KCNH8: variants seen among roughly 807,000 people sequenced by gnomAD.
KCNH8 encodes the protein voltage-gated delayed rectifier potassium channel KCNH8.
A neutral mutation model predicts 103.6 loss-of-function variants in KCNH8; 70 were observed. The observed-to-expected ratio is 0.68, with a 90% CI of 0.56 to 0.82. The LOEUF is 0.82. KCNH8 is among the 40% of genes least tolerant of loss of function. The probability of loss-of-function intolerance (pLI) is 0.00; values close to 1 mark genes in which losing one functional copy is unlikely to be tolerated. For synonymous variants in KCNH8, 498 were observed against 489.4 expected (o/e 1.02, Z -0.23); for missense variants, 1,217 against 1,329.9 (o/e 0.92, Z 1.32).
chr3:19,247,460 C>T (rs1417029429), intron 1 of KCNH8, among the ~76,000 whole-genome samples: 2 of 152,102 alleles, frequency 1.3e-5, no homozygotes, highest in African/African-American at 2.4e-5. Flanking sequence ...GGGATACAAA[C>T]GTTGTCTTTG....
rs2069242306 is a variant in KCNH8, at chr3:19,535,022, T to C, written c.*923T>C. ...GGGGATAGAGAGGCTCCATCTAGGCTCTGCCAACTCATGTCAATGACATGA... is the reference window on the plus strand; with the variant it reads ...GGGGATAGAGAGGCTCCATCTAGGCCCTGCCAACTCATGTCAATGACATGA... On this transcript the variant is annotated 3_prime_UTR_variant, in exon 16 of 16. Coordinates refer to ENST00000328405, the MANE Select transcript of KCNH8 (RefSeq NM_144633.3). 6.6e-6 allele frequency: 1 copy of C among 152,216 alleles called. No homozygotes were observed. Among genetic ancestry groups the C allele is most frequent in the African/African-American group, 2.4e-5 (1 of 41,454 alleles). 9.4% of individuals were successfully genotyped at this position (152,216 alleles called of 1,614,324 possible).
rs532196689 is a variant in KCNH8 at position 19,401,825 on chromosome 3, A to C, written c.1177+6514A>C. Among the ~76,000 whole-genome samples the C allele has an allele frequency of 5.3e-5, 8 of 152,058 alleles. No individual in the cohort carries two copies. In the South Asian group the frequency reaches 1.7e-3, roughly 32 times the overall value. Reference sequence around the variant, plus strand: ...GCATTTAGATAGTAAGAAATACAAAAATTTGCATTTAATTGCATAATATTC... The same window carrying C: ...GCATTTAGATAGTAAGAAATACAAACATTTGCATTTAATTGCATAATATTC... On this transcript the variant is annotated intron_variant, in intron 7 of 15. Coordinates refer to ENST00000328405, the MANE Select transcript of KCNH8 (RefSeq NM_144633.3).
At chr3:19,323,760 A>G (rs1359270366) in intron 3 of KCNH8, among the ~76,000 whole-genome samples, 2 of 151,970 alleles carry the variant, frequency 1.3e-5, no homozygotes, top group Non-Finnish European at 2.9e-5. Context: ...AACTGCAATG[A>G]TTGTTATTTC....
intron 11 of KCNH8, among the ~76,000 whole-genome samples, chr3:19,494,902 G>A (rs138119171): frequency 1.2e-4 from 18 of 152,212 alleles, no homozygotes; most frequent in Admixed American, 3.3e-4. Flanking sequence ...TGACTGCTGT[G>A]AAATACTATT....
chr3:19,283,772 A>C (rs1259022946), intron 3 of KCNH8, among the ~76,000 whole-genome samples: 2 of 151,380 alleles, frequency 1.3e-5, no homozygotes, highest in East Asian at 1.9e-4. Flanking sequence ...TATAATAATA[A>C]AATAAAAAAT....
chr3:19,270,888 A>G (rs1487526194), intron 2 of KCNH8, among the ~76,000 whole-genome samples: 1 of 152,070 alleles, frequency 6.6e-6, no homozygotes, highest in East Asian at 1.9e-4. Context: ...TCTCGTCTCA[A>G]TATTTCTGCT....
chr3:19,206,168 G>GTTTATA (rs979868166), intron 1 of KCNH8, among the ~76,000 whole-genome samples: 1 of 139,262 alleles, frequency 7.2e-6, no homozygotes, highest in African/African-American at 2.9e-5. Flanking sequence ...TGGTGTGTGT[G>GTTTATA]TATATATATA....
At chr3:19,308,265 G>C (rs1309740583) in intron 3 of KCNH8, among the ~76,000 whole-genome samples, 1 of 146,814 alleles carries the variant, frequency 6.8e-6, no homozygotes, top group African/African-American at 2.6e-5. Context: ...ACATAAAACA[G>C]GGAACAGGGA....
intron 1 of KCNH8, among the ~76,000 whole-genome samples, chr3:19,199,913 A>C (rs1353747514): frequency 6.6e-6 from 1 of 152,026 alleles, no homozygotes; most frequent in Non-Finnish European, 1.5e-5. Context: ...CTAATGCCAC[A>C]GTTCATTATG....
intron 5 of KCNH8, among the ~76,000 whole-genome samples, chr3:19,374,646 T>G (rs1408455525): frequency 6.6e-6 from 1 of 152,138 alleles, no homozygotes; most frequent in Non-Finnish European, 1.5e-5. Flanking sequence ...ATCCTGTCAT[T>G]ATGATGTCAG....
rs575882172 is a variant in KCNH8, at chr3:19,534,174, T to C, written c.*75T>C. 2 of 1,120,892 alleles carry C rather than the reference T, an allele frequency of 1.8e-6. No homozygotes were observed. The highest frequency in any genetic ancestry group is 2.6e-6 in the Non-Finnish European group (2 of 776,432). The allele number at this position is 1,120,892 out of a possible 1,614,324, so 69.4% of individuals were successfully genotyped here. A position where few individuals can be genotyped will look rare whatever the true frequency, so the allele number is the denominator to read the frequency against. On this transcript the variant is annotated 3_prime_UTR_variant, in exon 16 of 16. Transcript: ENST00000328405. ...CAGTTTTAGTTTGCCTTTTTGCCTC[T>C]GGTGGGCATGAAGACTGAGCAAAGC...
rs199949305 is a variant in KCNH8 at position 19,369,089 on chromosome 3, C to CT, written c.811+21127dup. Among the ~76,000 whole-genome samples, 166 of 151,366 alleles carry CT rather than the reference C, an allele frequency of 1.1e-3. 1 individual carries two copies. The highest frequency in any genetic ancestry group is 3.0e-3 in the African/African-American group (122 of 41,208). On this transcript the variant is annotated intron_variant, in intron 5 of 15. Coordinates refer to ENST00000328405, the MANE Select transcript of KCNH8 (RefSeq NM_144633.3). ...ACTAAAGCTCAAAGAGTTTAAATCA[C>CT]TTTGTTTTTTAAAGGAAATATGTTT... is the stretch of plus-strand genomic sequence containing the variant.
At chr3:19,207,899 A>C (rs2063732599) in intron 1 of KCNH8, among the ~76,000 whole-genome samples, 1 of 152,030 alleles carries the variant, frequency 6.6e-6, no homozygotes, top group Non-Finnish European at 1.5e-5. Context: ...TCTAGATATC[A>C]AAGAGGGAAA....
At chr3:19,530,805 T>C (rs750747387) in intron 15 of KCNH8, among the ~76,000 whole-genome samples, 1 of 152,224 alleles carries the variant, frequency 6.6e-6, no homozygotes, top group Non-Finnish European at 1.5e-5. Context: ...TAATATTCTA[T>C]AGCAGAATGA....
At chr3:19,406,947 A>G (rs1263400603) in intron 7 of KCNH8, among the ~76,000 whole-genome samples, 1 of 152,162 alleles carries the variant, frequency 6.6e-6, no homozygotes, top group African/African-American at 2.4e-5. Context: ...GTATGAGAAG[A>G]AGAGGGGAAC....
At chr3:19,277,322 A>G (rs553530753) in intron 2 of KCNH8, among the ~76,000 whole-genome samples, 2 of 152,256 alleles carry the variant, frequency 1.3e-5, no homozygotes, top group East Asian at 3.9e-4. Context: ...AAGTGCTTTG[A>G]GAGGCCAAGG....
At chr3:19,219,868 A>G (rs1219194791) in intron 1 of KCNH8, among the ~76,000 whole-genome samples, 1 of 152,206 alleles carries the variant, frequency 6.6e-6, no homozygotes, top group Non-Finnish European at 1.5e-5. Context: ...GAACTCAGGC[A>G]TCATGACTTG....
intron 1 of KCNH8, among the ~76,000 whole-genome samples, chr3:19,189,999 A>C (rs1161440864): frequency 6.6e-6 from 1 of 151,994 alleles, no homozygotes; most frequent in Non-Finnish European, 1.5e-5. Context: ...TTATTTGATC[A>C]GTTGATTTTG....
chr3:19,312,619 A>G (rs1156692851), intron 3 of KCNH8, among the ~76,000 whole-genome samples: 3 of 151,942 alleles, frequency 2.0e-5, no homozygotes, highest in Admixed American at 2.0e-4. Flanking sequence ...TCGTCATGTA[A>G]TATTAGTAAA....
Sources: allele counts gnomAD v4.1 joint callset (sites outside exome capture counted in the v4.1 genomes callset), GRCh38; gene constraint gnomAD v4.1.1; transcripts MANE v1.5; gene names NCBI Gene and HGNC (gene_info 2026-07-23, HGNC 2026-07-21).